OR2L13: variants seen among roughly 807,000 people sequenced by gnomAD.
OR2L13 encodes the protein olfactory receptor family 2 subfamily L member 13.
Under a neutral mutation model 15.3 loss-of-function variants are expected in OR2L13, and 14 were observed. The observed-to-expected ratio is 0.91, with a 90% CI of 0.60 to 1.43. The LOEUF (loss-of-function observed/expected upper bound fraction) is 1.43, where lower values mean the gene tolerates loss of function less well. OR2L13 is among the 40% of genes most tolerant of loss of function. The pLI, the probability that OR2L13 is intolerant of heterozygous loss-of-function variation, is 0.00. For synonymous variants in OR2L13, 152 were observed against 142.9 expected, an observed-to-expected ratio of 1.06 and a Z score of -0.45; for missense variants, 367 against 387.9, an observed-to-expected ratio of 0.95 and a Z score of 0.45.
At chr1:248,003,788 G>T in the OR2L13 span, 5 of 1,613,810 alleles carry the variant, frequency 3.1e-6, no homozygotes, top group Admixed American at 1.7e-5. Flanking sequence ...CTATGGCCGG[G>T]TTCTCCTTGC....
the OR2L13 span, among the ~76,000 whole-genome samples, chr1:247,940,283 A>G: frequency 1.3e-5 from 2 of 152,290 alleles, no homozygotes; most frequent in Admixed American, 6.5e-5. Flanking sequence ...AAACCCTTCT[A>G]ACAATTTATC....
the OR2L13 span, among the ~76,000 whole-genome samples, chr1:248,050,805 A>C: frequency 6.6e-6 from 1 of 152,134 alleles, no homozygotes; most frequent in Non-Finnish European, 1.5e-5. Flanking sequence ...TCTTAATGCC[A>C]ATCTCATCTT....
At chr1:247,952,570 T>C in the OR2L13 span, among the ~76,000 whole-genome samples, 1 of 152,180 alleles carries the variant, frequency 6.6e-6, no homozygotes, top group Non-Finnish European at 1.5e-5. Flanking sequence ...CTCCAGACAC[T>C]GAATCTTCAG....
chr1:248,073,621 T>C, the OR2L13 span, among the ~76,000 whole-genome samples: 1 of 150,444 alleles, frequency 6.6e-6, no homozygotes. Flanking sequence ...AAACTTAAAG[T>C]GTAATAATAA....
At chr1:247,951,889 A>C in the OR2L13 span, among the ~76,000 whole-genome samples, 1 of 152,170 alleles carries the variant, frequency 6.6e-6, no homozygotes, top group African/African-American at 2.4e-5. Flanking sequence ...TGCTTCTGTC[A>C]TCACCATCAA....
chr1:247,944,037 A>G, the OR2L13 span, among the ~76,000 whole-genome samples: 3 of 152,134 alleles, frequency 2.0e-5, no homozygotes, highest in African/African-American at 2.4e-5. Context: ...CTGTTGGGCT[A>G]TATGTCTGGC....
chr1:248,079,907 A>T, the OR2L13 span, among the ~76,000 whole-genome samples: 1 of 152,210 alleles, frequency 6.6e-6, no homozygotes, highest in East Asian at 1.9e-4. Context: ...CTCATGAAAC[A>T]GCTCCACTAT....
chr1:248,084,612 G>C, the OR2L13 span: 1 of 1,585,534 alleles, frequency 6.3e-7, no homozygotes. Context: ...CCCCTGGTGT[G>C]ATGGTGCAAA....
exon 3 of OR2L13, chr1:248,099,975 A>C: frequency 6.2e-7 from 1 of 1,613,964 alleles, no homozygotes; most frequent in Middle Eastern, 1.6e-4. Flanking sequence ...TGGTTTTTGT[A>C]AGTACAAGCC....
chr1:248,013,750 A>G, the OR2L13 span: 1 of 152,148 alleles, frequency 6.6e-6, no homozygotes, highest in Non-Finnish European at 1.5e-5. Flanking sequence ...TACTGATTAT[A>G]TTTGTATTTT....
At chr1:248,078,941 G>T in the OR2L13 span, among the ~76,000 whole-genome samples, 1 of 152,114 alleles carries the variant, frequency 6.6e-6, no homozygotes, top group Non-Finnish European at 1.5e-5. Context: ...TAGTGATATA[G>T]CACAGATCAT....
the OR2L13 span, among the ~76,000 whole-genome samples, chr1:247,968,383 T>C: frequency 6.6e-6 from 1 of 152,136 alleles, no homozygotes; most frequent in African/African-American, 2.4e-5. Context: ...CTAGGGTACA[T>C]GTGCACACTG....
chr1:247,949,698 A>T, the OR2L13 span: 3 of 1,613,750 alleles, frequency 1.9e-6, no homozygotes, highest in South Asian at 3.3e-5. Context: ...CACCATCCTC[A>T]CCCCAATGCT....
chr1:248,005,174 C>G, the OR2L13 span, among the ~76,000 whole-genome samples: 10 of 152,100 alleles, frequency 6.6e-5, no homozygotes, highest in Non-Finnish European at 1.5e-4. Flanking sequence ...AAGAATAACT[C>G]AAAGTGTGGA....
At chr1:247,987,153 C>T in the OR2L13 span, among the ~76,000 whole-genome samples, 5,914 of 152,172 alleles carry the variant, frequency 0.039, 355 homozygotes, top group African/African-American at 0.13. Flanking sequence ...AGTTTTGTTT[C>T]TGTCACATTC....
At chr1:248,076,061 A>G in the OR2L13 span, among the ~76,000 whole-genome samples, 2 of 152,146 alleles carry the variant, frequency 1.3e-5, no homozygotes, top group Admixed American at 6.6e-5. Context: ...TCAGCTTTCT[A>G]CAGATGGCTA....
chr1:247,968,440 A>T, the OR2L13 span, among the ~76,000 whole-genome samples: 3 of 151,994 alleles, frequency 2.0e-5, no homozygotes, highest in African/African-American at 7.2e-5. Context: ...GGTTTGCTGC[A>T]CCCATCAACT....
At chr1:247,959,948 T>A in the OR2L13 span, among the ~76,000 whole-genome samples, 2 of 144,024 alleles carry the variant, frequency 1.4e-5, no homozygotes, top group African/African-American at 5.0e-5. Context: ...AACTCGTCAG[T>A]CATTCTCCGT....
the OR2L13 span, chr1:247,980,920 G>A: frequency 6.6e-6 from 1 of 152,166 alleles, no homozygotes; most frequent in African/African-American, 2.4e-5. Flanking sequence ...GTTTGAAATT[G>A]AGGAGATAAT....
Sources: allele counts gnomAD v4.1 joint callset (sites outside exome capture counted in the v4.1 genomes callset), GRCh38; gene constraint gnomAD v4.1.1; transcripts MANE v1.5; gene names NCBI Gene and HGNC (gene_info 2026-07-23, HGNC 2026-07-21).